IGF1: variants seen among roughly 807,000 people sequenced by gnomAD.
The protein encoded by IGF1 is insulin-like growth factor 1.
Under a neutral mutation model 13.8 loss-of-function variants are expected in IGF1, and 4 were observed. The ratio of observed to expected loss-of-function variants is 0.29; its 90% CI spans 0.14 to 0.66. IGF1 has a LOEUF of 0.66. IGF1 is among the 30% of genes least tolerant of loss of function. The pLI, the probability that IGF1 is intolerant of heterozygous loss-of-function variation, is 0.78. For missense variants in IGF1, 124 were observed against 188.5 expected, an observed-to-expected ratio of 0.66 and a Z score of 2.00; for synonymous variants, 76 against 72.6, an observed-to-expected ratio of 1.05 and a Z score of -0.23.
At chr12:102,455,557 G>C (rs1484304687) in intron 2 of IGF1, among the ~76,000 whole-genome samples, 1 of 152,162 alleles carries the variant, frequency 6.6e-6, no homozygotes, top group Non-Finnish European at 1.5e-5. Flanking sequence ...TCAAGTGGGG[G>C]AGGAGTTCCA....
intron 1 of IGF1, among the ~76,000 whole-genome samples, chr12:102,477,217 A>G (rs992899551): frequency 6.6e-6 from 1 of 151,600 alleles, no homozygotes; most frequent in Non-Finnish European, 1.5e-5. Context: ...AATTTTCCCC[A>G]TCATTCTAAT....
At chr12:102,417,808 C>G (rs1469461714) in intron 3 of IGF1, 2 of 1,613,534 alleles carry the variant, frequency 1.2e-6, no homozygotes, top group Non-Finnish European at 1.7e-6. Flanking sequence ...CTGTTTAATC[C>G]TCCTGTCCTT....
At chr12:102,441,915 C>CTTCTTCTTCTTCTTCCTCTT (rs1555244052) in intron 2 of IGF1, among the ~76,000 whole-genome samples, 1 of 122,140 alleles carries the variant, frequency 8.2e-6, no homozygotes. Context: ...TGCTTCTTCT[C>CTTCTTCTTCTTCTTCCTCTT]CTTCTTCTTC....
Position 102,397,209 on chromosome 12 carries a change from G to GT in IGF1, c.*5297_*5298insA. ...AGTGCGAGACCCCATCTCACAAAAAGGAAAAAAAAAAAGAGGGAACACGTG... is the reference window on the plus strand; with the variant it reads ...AGTGCGAGACCCCATCTCACAAAAAGTGAAAAAAAAAAAGAGGGAACACGTG... On this transcript the variant is annotated 3_prime_UTR_variant, in exon 4 of 4. Coordinates refer to ENST00000337514, the MANE Select transcript of IGF1 (RefSeq NM_000618.5). The GT allele has an allele frequency of 5.4e-6, 1 of 184,550 alleles. No homozygotes were observed. Among genetic ancestry groups the GT allele is most frequent in the Non-Finnish European group, 1.1e-5 (1 of 91,134 alleles). 11.4% of individuals were successfully genotyped at this position (184,550 alleles called of 1,614,324 possible).
chr12:102,470,113 G>A lies in IGF1; in HGVS notation c.220+5530C>T, dbSNP rs150409642. 1.1e-3 allele frequency among the ~76,000 whole-genome samples: 162 copies of A among 152,286 alleles called. 3 individuals are homozygous for A. The highest frequency in any genetic ancestry group is 3.3e-3 in the African/African-American group (136 of 41,560). On this transcript the variant is annotated intron_variant, in intron 2 of 3. Coordinates refer to ENST00000337514, the MANE Select transcript of IGF1 (RefSeq NM_000618.5). ...CTCACATATGTGGTGCTTACTGTGT[G>A]CCAGGCAATATTCTAAGTTAACATA...
At chr12:102,428,444 G>C (rs1876428072) in intron 2 of IGF1, among the ~76,000 whole-genome samples, 1 of 151,888 alleles carries the variant, frequency 6.6e-6, no homozygotes, top group African/African-American at 2.4e-5. Context: ...GGCTTGATTA[G>C]GGGAAGGAGA....
At chr12:102,477,627 G>A (rs1944647251) in intron 1 of IGF1, among the ~76,000 whole-genome samples, 1 of 149,910 alleles carries the variant, frequency 6.7e-6, no homozygotes, top group East Asian at 2.0e-4. Context: ...CCTGGACCTC[G>A]TGGCATTTTT....
chr12:102,476,410 T>TGAGA (rs36047405), intron 1 of IGF1, among the ~76,000 whole-genome samples: 7,358 of 139,024 alleles, frequency 0.053, 364 homozygotes, highest in East Asian at 0.19. Context: ...TTCCTCAATA[T>TGAGA]GAGAGAGAGA....
chr12:102,426,922 T>G (rs986964706), intron 2 of IGF1, among the ~76,000 whole-genome samples: 1 of 152,220 alleles, frequency 6.6e-6, no homozygotes, highest in Non-Finnish European at 1.5e-5. Flanking sequence ...TTTGACATTC[T>G]TTTTATTCAC....
At chr12:102,434,687 G>T (rs905856889) in intron 2 of IGF1, among the ~76,000 whole-genome samples, 3 of 152,030 alleles carry the variant, frequency 2.0e-5, no homozygotes, top group Admixed American at 6.6e-5. Context: ...GGGTCAAATG[G>T]TATTTCTAGT....
chr12:102,477,679 C>T (rs1003332273), intron 1 of IGF1, among the ~76,000 whole-genome samples: 2 of 152,112 alleles, frequency 1.3e-5, no homozygotes, highest in African/African-American at 4.8e-5. Flanking sequence ...AGCATACCCC[C>T]ACACTGCGGG....
At chr12:102,441,465 GAGCTGA>G (rs1877711030) in intron 2 of IGF1, among the ~76,000 whole-genome samples, 1 of 152,194 alleles carries the variant, frequency 6.6e-6, no homozygotes, top group Non-Finnish European at 1.5e-5. Context: ...CCCTTTAGAT[GAGCTGA>G]AGCAAAGGGG....
chr12:102,442,942 G>A (rs1019603268), intron 2 of IGF1, among the ~76,000 whole-genome samples: 2 of 152,056 alleles, frequency 1.3e-5, no homozygotes, highest in African/African-American at 2.4e-5. Context: ...GAACCTAATA[G>A]GGAGGTGTTA....
At chr12:102,474,076 A>G (rs1363219752) in intron 2 of IGF1, among the ~76,000 whole-genome samples, 2 of 152,214 alleles carry the variant, frequency 1.3e-5, no homozygotes, top group Admixed American at 6.5e-5. Context: ...TGGGCATAAT[A>G]AGTGAGAACC....
At chr12:102,434,159 T>TTA (rs1876998584) in intron 2 of IGF1, among the ~76,000 whole-genome samples, 1 of 151,966 alleles carries the variant, frequency 6.6e-6, no homozygotes, top group South Asian at 2.1e-4. Flanking sequence ...TTTTTTTTTT[T>TTA]TTATTATACT....
chr12:102,458,400 C>A (rs1053960705), intron 2 of IGF1, among the ~76,000 whole-genome samples: 1 of 151,984 alleles, frequency 6.6e-6, no homozygotes, highest in African/African-American at 2.4e-5. Context: ...AGCCAGCTTC[C>A]AACAAAAAGG....
At chr12:102,415,976 G>T (rs1203377079) in intron 3 of IGF1, among the ~76,000 whole-genome samples, 1 of 152,196 alleles carries the variant, frequency 6.6e-6, no homozygotes, top group African/African-American at 2.4e-5. Flanking sequence ...TGGCTCCCAT[G>T]TGGGGCTTTG....
intron 1 of IGF1, among the ~76,000 whole-genome samples, chr12:102,477,274 G>GAA (rs539813999): frequency 7.5e-4 from 72 of 96,124 alleles, no homozygotes; most frequent in African/African-American, 2.5e-3. Context: ...AGCAACTGAG[G>GAA]AAAAAAAAAA....
At chr12:102,441,025 G>T (rs1877664819) in intron 2 of IGF1, among the ~76,000 whole-genome samples, 2 of 152,176 alleles carry the variant, frequency 1.3e-5, no homozygotes, top group South Asian at 4.2e-4. Flanking sequence ...TTGTGTTGGG[G>T]AATATGCTTC....
Sources: gnomAD v4.1 joint callset for allele counts (sites outside exome capture counted in the v4.1 genomes callset) on GRCh38, gnomAD v4.1.1 for gene constraint, MANE v1.5 for transcripts, NCBI Gene and HGNC (gene_info 2026-07-23, HGNC 2026-07-21) for gene names.